Variants in IQSEC1 observed in about 807,000 individuals in gnomAD.
The protein encoded by IQSEC1 is IQ motif and SEC7 domain-containing protein 1.
A neutral mutation model predicts 91.0 loss-of-function variants in IQSEC1; 31 were observed. The observed-to-expected ratio is 0.34, with a 90% confidence interval of 0.26 to 0.46. The LOEUF is 0.46. Ranked by LOEUF, IQSEC1 falls within the 20% of genes least tolerant of loss-of-function variation. The pLI is 1.00. For synonymous variants in IQSEC1, 699 were observed against 662.6 expected (o/e 1.05, Z -0.84); for missense variants, 1,388 against 1,575.6 (o/e 0.88, Z 2.02).
intron 1 of IQSEC1, among the ~76,000 whole-genome samples, chr3:13,234,689 A>T (rs925856959): frequency 6.6e-6 from 1 of 151,948 alleles, no homozygotes; most frequent in Admixed American, 6.5e-5. Context: ...CAGTCCCCAA[A>T]TCCCACACAC....
chr3:13,224,334 G>T (rs1466521317), intron 1 of IQSEC1, among the ~76,000 whole-genome samples: 1 of 152,114 alleles, frequency 6.6e-6, no homozygotes, highest in Non-Finnish European at 1.5e-5. Context: ...CGAGAGGAAG[G>T]GTGGAAGGGC....
At chr3:13,021,990 C>G (rs1196407711) in intron 1 of IQSEC1, 1 of 1,198,810 alleles carries the variant, frequency 8.3e-7, no homozygotes, top group Non-Finnish European at 1.0e-6. Context: ...TCCGGCCCAA[C>G]AGTCGACAGC....
At chr3:13,144,274 C>T (rs969489731) in intron 2 of IQSEC1, among the ~76,000 whole-genome samples, 21 of 152,332 alleles carry the variant, frequency 1.4e-4, no homozygotes, top group East Asian at 7.7e-4. Context: ...CTGGACTGCA[C>T]GCCCGGGCTC....
chr3:13,113,634 C>T (rs539695590), intron 2 of IQSEC1, among the ~76,000 whole-genome samples: 57 of 152,244 alleles, frequency 3.7e-4, no homozygotes, highest in African/African-American at 1.3e-3. Flanking sequence ...GAAGTGCATG[C>T]GGCGGTGGGA....
intron 1 of IQSEC1, among the ~76,000 whole-genome samples, chr3:13,273,370 C>T (rs1184176719): frequency 6.6e-6 from 1 of 152,172 alleles, no homozygotes; most frequent in East Asian, 1.9e-4. Context: ...GTGTGGGAAG[C>T]CAGAGGCAGA....
At chr3:13,094,194 A>G (rs1351940826) in intron 2 of IQSEC1, among the ~76,000 whole-genome samples, 2 of 152,122 alleles carry the variant, frequency 1.3e-5, no homozygotes, top group African/African-American at 2.4e-5. Flanking sequence ...CACAGTGGAG[A>G]AGCCGGTGCT....
At chr3:13,115,769 G>A (rs1003941850) in intron 2 of IQSEC1, among the ~76,000 whole-genome samples, 4 of 152,162 alleles carry the variant, frequency 2.6e-5, no homozygotes, top group East Asian at 1.9e-4. Context: ...TTTCACAGGC[G>A]AGCTAGGCAC....
chr3:12,987,617 GAGA>G (rs1701804948), intron 1 of IQSEC1, among the ~76,000 whole-genome samples: 1 of 152,236 alleles, frequency 6.6e-6, no homozygotes, highest in African/African-American at 2.4e-5. Context: ...TTCTGAAATT[GAGA>G]AGTTTATCCC....
At chr3:13,083,199 G>A (rs902383585) in intron 2 of IQSEC1, among the ~76,000 whole-genome samples, 2 of 152,186 alleles carry the variant, frequency 1.3e-5, no homozygotes, top group Non-Finnish European at 2.9e-5. Context: ...GTTGGCAGCT[G>A]AGTGACACTA....
At chr3:13,178,305 T>G (rs1368042608) in intron 1 of IQSEC1, among the ~76,000 whole-genome samples, 1 of 152,174 alleles carries the variant, frequency 6.6e-6, no homozygotes, top group Non-Finnish European at 1.5e-5. Context: ...GGGGTCAAAG[T>G]CAATCAGCAA....
At chr3:13,058,192 G>A (rs1409135529) in intron 1 of IQSEC1, among the ~76,000 whole-genome samples, 1 of 152,244 alleles carries the variant, frequency 6.6e-6, no homozygotes, top group South Asian at 2.1e-4. Flanking sequence ...AGAATTGCTT[G>A]AACCTGGTGG....
rs1280811366 is a variant in IQSEC1, at chr3:13,282,570, C to T, written c.272+141G>A. 1.5e-4 allele frequency among the ~76,000 whole-genome samples: 23 copies of T among 152,026 alleles called. No homozygotes were observed. Among genetic ancestry groups the T allele is most frequent in the African/African-American group, 5.3e-4 (22 of 41,540 alleles). ...AGAATCCCAGGGAGCCCCTGGGGGT[C>T]TGGCGGCGGGTGTGGGCGCTCCCGG... On this transcript the variant is annotated intron_variant, in intron 1 of 15. Transcript: ENST00000648114. The surrounding 1 kb of genome is among the most constrained non-coding windows in gnomAD (Gnocchi z 6.4).
chr3:13,221,272 C>T (rs1190904409), intron 1 of IQSEC1, among the ~76,000 whole-genome samples: 1 of 152,212 alleles, frequency 6.6e-6, no homozygotes, highest in Non-Finnish European at 1.5e-5. Flanking sequence ...CTTCAGCCCG[C>T]CTGCTCTGGG....
At chr3:13,090,603 C>T (rs1705842987) in intron 2 of IQSEC1, among the ~76,000 whole-genome samples, 1 of 152,190 alleles carries the variant, frequency 6.6e-6, no homozygotes, top group Non-Finnish European at 1.5e-5. Flanking sequence ...GGTGCAGGGG[C>T]AGGTCCTGGT....
rs906807295 is a variant in IQSEC1 at position 12,908,932 on chromosome 3, G to C, written c.2578+341C>G. ...CCTGGAGCCAGGGATGGCCTTGGCTGTGTGACCCATCAGTCGGTTGAGCCT... is the reference window on the plus strand; with the variant it reads ...CCTGGAGCCAGGGATGGCCTTGGCTCTGTGACCCATCAGTCGGTTGAGCCT... On this transcript the variant is annotated intron_variant, in intron 11 of 13. Transcript: ENST00000613206. This position sits in a 1 kb window ranked among gnomAD's most constrained non-coding sequence, Gnocchi z 4.9. Among the ~76,000 whole-genome samples, 1 of 152,152 alleles carries C rather than the reference G, an allele frequency of 6.6e-6. No individual in the cohort carries two copies. The highest frequency in any genetic ancestry group is 2.4e-5 in the African/African-American group (1 of 41,430).
At chr3:13,107,704 G>A (rs1444806841) in intron 2 of IQSEC1, among the ~76,000 whole-genome samples, 3 of 152,232 alleles carry the variant, frequency 2.0e-5, no homozygotes, top group South Asian at 2.1e-4. Context: ...CCCTAGGCCC[G>A]AGACCCTGGT....
chr3:13,133,897 C>T (rs1176094221), intron 2 of IQSEC1, among the ~76,000 whole-genome samples: 1 of 152,180 alleles, frequency 6.6e-6, no homozygotes, highest in Non-Finnish European at 1.5e-5. Flanking sequence ...ACCGGGCCTG[C>T]ACACAGTGGG....
chr3:13,003,886 T>C (rs1338761022), intron 1 of IQSEC1, among the ~76,000 whole-genome samples: 5 of 152,354 alleles, frequency 3.3e-5, no homozygotes, highest in East Asian at 1.9e-4. Context: ...AAGTTACATA[T>C]GGCATGTTTG....
intron 2 of IQSEC1, among the ~76,000 whole-genome samples, chr3:13,115,149 G>A (rs982617891): frequency 2.0e-5 from 3 of 152,212 alleles, no homozygotes; most frequent in African/African-American, 7.2e-5. Context: ...GCTGAGGAGC[G>A]CCATGGCTGA....
Sources: allele counts gnomAD v4.1 joint callset (sites outside exome capture counted in the v4.1 genomes callset), GRCh38; gene constraint gnomAD v4.1.1; non-coding constraint Gnocchi (gnomAD v3.1); transcripts MANE v1.5; gene names NCBI Gene and HGNC (gene_info 2026-07-23, HGNC 2026-07-21).